TMEM132B: variants seen among roughly 807,000 people sequenced by gnomAD.
The protein encoded by TMEM132B is transmembrane protein 132B.
Under a neutral mutation model 90.8 loss-of-function variants are expected in TMEM132B, and 18 were observed. The ratio of observed to expected loss-of-function variants is 0.20; its 90% CI spans 0.14 to 0.29. TMEM132B has a LOEUF of 0.29. Among genes scored for constraint, TMEM132B ranks in the 10% least tolerant of loss-of-function variants. The pLI, the probability that TMEM132B is intolerant of heterozygous loss-of-function variation, is 1.00. For synonymous variants in TMEM132B, 504 were observed against 523.3 expected, an observed-to-expected ratio of 0.96 and a Z score of 0.50; for missense variants, 1,096 against 1,326.8, an observed-to-expected ratio of 0.83 and a Z score of 2.70.
chr12:125,332,229 A>G (rs975466458), intron 1 of TMEM132B, among the ~76,000 whole-genome samples: 3 of 152,232 alleles, frequency 2.0e-5, no homozygotes, highest in Non-Finnish European at 4.4e-5. Flanking sequence ...TGTAGTTAGA[A>G]CAGTGACTGG....
At chr12:125,544,334 G>A (rs1884033709) in intron 4 of TMEM132B, among the ~76,000 whole-genome samples, 1 of 151,952 alleles carries the variant, frequency 6.6e-6, no homozygotes, top group African/African-American at 2.4e-5. Context: ...ATGTACCCCG[G>A]AACTTAAAAA....
At chr12:125,250,257 C>T (rs1474965372) in intron 1 of TMEM132B, among the ~76,000 whole-genome samples, 4 of 152,338 alleles carry the variant, frequency 2.6e-5, no homozygotes, top group Admixed American at 6.5e-5. Flanking sequence ...GTGAGCTCCT[C>T]GTGGTATTTC....
chr12:125,434,056 A>G (rs929559053), intron 3 of TMEM132B, among the ~76,000 whole-genome samples: 2 of 152,172 alleles, frequency 1.3e-5, no homozygotes, highest in Admixed American at 1.3e-4. Context: ...TCTAAAATAA[A>G]TTTCGCGGGG....
chr12:125,512,272 T>C (rs941188578), intron 3 of TMEM132B, among the ~76,000 whole-genome samples: 2 of 152,180 alleles, frequency 1.3e-5, no homozygotes, highest in African/African-American at 4.8e-5. Flanking sequence ...CACATGGGAA[T>C]GTGGAATAGT....
rs534784048 is a variant in TMEM132B, at chr12:125,326,618, C to T, written c.68-22834C>T. ...GCCCTCGCCTCAGCTCCAGACTCTA[C>T]GGGAAATGTTTGGTGCAGCATCCAG... On this transcript the variant is annotated intron_variant, in intron 1 of 8. Coordinates refer to ENST00000682704, the MANE Select transcript of TMEM132B (RefSeq NM_001366854.1). 2.9e-5 allele frequency: 46 copies of T among 1,605,842 alleles called. No homozygotes were observed. The East Asian group carries it at 6.5e-4, about 23-fold the overall frequency.
intron 1 of TMEM132B, among the ~76,000 whole-genome samples, chr12:125,226,012 C>T (rs150553860): frequency 3.5e-4 from 54 of 152,334 alleles, no homozygotes; most frequent in African/African-American, 1.2e-3. Context: ...TTCCATTTTA[C>T]CCTCTGATGG....
At chr12:125,470,561 A>G (rs1465426565) in intron 3 of TMEM132B, among the ~76,000 whole-genome samples, 2 of 152,130 alleles carry the variant, frequency 1.3e-5, no homozygotes, top group Admixed American at 6.5e-5. Context: ...CCCTCTGGAA[A>G]CCCACTTTCT....
intron 3 of TMEM132B, among the ~76,000 whole-genome samples, chr12:125,444,038 T>C (rs1880942070): frequency 6.6e-6 from 1 of 152,220 alleles, no homozygotes; most frequent in Admixed American, 6.5e-5. Flanking sequence ...TGTAGTTTCT[T>C]AACTATCAGT....
In TMEM132B at chr12:125,386,157, T is replaced by A. The variant is rs558687535; in HGVS notation, c.960-29374T>A. On this transcript the variant is annotated intron_variant, in intron 2 of 8. Coordinates refer to ENST00000682704, the MANE Select transcript of TMEM132B (RefSeq NM_001366854.1). ...TGCTCACCACCACTCCTGGCTTGTT[T>A]TTGTATTTTTTATAGAGATGGGGTT... is the stretch of plus-strand genomic sequence containing the variant. Among the ~76,000 whole-genome samples, 36 of 152,246 alleles carry A rather than the reference T, an allele frequency of 2.4e-4. No individual in the cohort carries two copies. The South Asian group carries it at 7.3e-3, about 31-fold the overall frequency.
At chr12:125,220,715 C>G (rs1336958518) in intron 1 of TMEM132B, among the ~76,000 whole-genome samples, 1 of 152,220 alleles carries the variant, frequency 6.6e-6, no homozygotes, top group African/African-American at 2.4e-5. Context: ...AGGTGATCTT[C>G]CTGCCTCTAC....
rs370386393 is a variant in TMEM132B at position 125,215,946 on chromosome 12, A to G, written c.67+29080A>G. Among the ~76,000 whole-genome samples the G allele has an allele frequency of 3.9e-5, 6 of 152,236 alleles. No homozygotes were observed. The East Asian group carries it at 1.2e-3, about 29-fold the overall frequency. On this transcript the variant is annotated intron_variant, in intron 1 of 8. Coordinates refer to ENST00000682704, the MANE Select transcript of TMEM132B (RefSeq NM_001366854.1). ...TCACAGTCTCTATTGCCAGGAGGGC[A>G]GTGTTCTAGGGATTAGGACATGCAC...
chr12:125,423,868 A>G (rs1031486573), intron 3 of TMEM132B, among the ~76,000 whole-genome samples: 3 of 152,110 alleles, frequency 2.0e-5, no homozygotes, highest in Non-Finnish European at 4.4e-5. Flanking sequence ...AAGAATAAAT[A>G]TATAGTAACA....
chr12:125,603,241 A>G (rs1223164463), intron 5 of TMEM132B, among the ~76,000 whole-genome samples: 5 of 152,158 alleles, frequency 3.3e-5, no homozygotes, highest in Admixed American at 2.6e-4. Context: ...ACAGCATGGT[A>G]CTGGTACCAA....
intron 1 of TMEM132B, among the ~76,000 whole-genome samples, chr12:125,273,217 A>T (rs998800653): frequency 9.9e-5 from 15 of 152,206 alleles, no homozygotes; most frequent in Non-Finnish European, 1.8e-4. Flanking sequence ...TAACTTGAAT[A>T]GATACAAAAT....
intron 2 of TMEM132B, among the ~76,000 whole-genome samples, chr12:125,391,716 G>A (rs1879025597): frequency 6.6e-6 from 1 of 152,104 alleles, no homozygotes; most frequent in Admixed American, 6.5e-5. Flanking sequence ...AACCCTAAAA[G>A]AGAGTACAAA....
chr12:125,314,895 G>T (rs770301970), intron 1 of TMEM132B, among the ~76,000 whole-genome samples: 1 of 152,220 alleles, frequency 6.6e-6, no homozygotes, highest in African/African-American at 2.4e-5. Context: ...TGCAGATGCC[G>T]CTAGAAATGG....
intron 3 of TMEM132B, among the ~76,000 whole-genome samples, chr12:125,467,930 G>A (rs1224642023): frequency 6.6e-6 from 1 of 152,194 alleles, no homozygotes; most frequent in African/African-American, 2.4e-5. Flanking sequence ...CTCATAGCAT[G>A]TATCAGAACT....
intron 1 of TMEM132B, among the ~76,000 whole-genome samples, chr12:125,307,930 TAA>T (rs1318636484): frequency 3.1e-5 from 4 of 129,856 alleles, no homozygotes; most frequent in South Asian, 2.4e-4. Flanking sequence ...TTATATTACT[TAA>T]TATATACTTA....
intron 1 of TMEM132B, among the ~76,000 whole-genome samples, chr12:125,297,168 G>A (rs975632379): frequency 5.9e-5 from 9 of 152,198 alleles, no homozygotes; most frequent in African/African-American, 1.9e-4. Flanking sequence ...GGTCAGCATT[G>A]GATGGCTTTT....
Sources: gnomAD v4.1 joint callset for allele counts (sites outside exome capture counted in the v4.1 genomes callset) on GRCh38, gnomAD v4.1.1 for gene constraint, MANE v1.5 for transcripts, NCBI Gene and HGNC (gene_info 2026-07-23, HGNC 2026-07-21) for gene names.